Variants in PCSK5 observed in about 807,000 individuals in gnomAD.
PCSK5 encodes the protein prohormone convertase 5.
Under a neutral mutation model 233.2 loss-of-function variants are expected in PCSK5, and 129 were observed. That is an observed-to-expected ratio of 0.55 (90% CI 0.48 to 0.64). The LOEUF is 0.64. Among genes scored for constraint, PCSK5 ranks in the 30% least tolerant of loss-of-function variants. PCSK5 has a pLI of 0.00. For synonymous variants in PCSK5, 825 were observed against 879.2 expected (o/e 0.94, Z 1.09); for missense variants, 2,076 against 2,430.1 (o/e 0.85, Z 3.06).
At chr9:76,087,870 G>GTTCTT (rs1357843827) in intron 7 of PCSK5, among the ~76,000 whole-genome samples, 2 of 152,166 alleles carry the variant, frequency 1.3e-5, no homozygotes, top group Non-Finnish European at 2.9e-5. Flanking sequence ...AGGAGGGAGT[G>GTTCTT]AAGTCATGTC....
chr9:76,097,626 T>C (rs1831591626), intron 8 of PCSK5, among the ~76,000 whole-genome samples: 1 of 152,242 alleles, frequency 6.6e-6, no homozygotes, highest in African/African-American at 2.4e-5. Context: ...TTGAGATATT[T>C]GTAGTTGAGT....
At position 76,025,766 on chromosome 9, in the gene PCSK5, A is replaced by G. The variant is rs540448852; in HGVS notation, c.556-1195A>G. On this transcript the variant is annotated intron_variant, in intron 4 of 37. Transcript: ENST00000674117. The stretch of plus-strand genomic sequence containing the variant: ...TAGGAAATTTAACTGAAAAAGACAT[A>G]GGGCAGAAATTATGCCCATGTTTGA... Among the ~76,000 whole-genome samples, 28 of 152,252 alleles carry G rather than the reference A, an allele frequency of 1.8e-4. 1 individual carries two copies. Among genetic ancestry groups the G allele is most frequent in the Admixed American group, 1.5e-3 (23 of 15,274 alleles).
chr9:76,299,035 T>G (rs1828528870), intron 27 of PCSK5, among the ~76,000 whole-genome samples: 1 of 152,128 alleles, frequency 6.6e-6, no homozygotes, highest in African/African-American at 2.4e-5. Context: ...GAAAACACCC[T>G]TGAAATAAAA....
intron 32 of PCSK5, among the ~76,000 whole-genome samples, chr9:76,326,263 G>A (rs141914194): frequency 1.4e-3 from 220 of 152,214 alleles, no homozygotes; most frequent in African/African-American, 4.9e-3. Context: ...GTGTGTGCCT[G>A]TAGTCCCAGC....
At chr9:76,258,059 A>G (rs904064257) in intron 24 of PCSK5, among the ~76,000 whole-genome samples, 1 of 152,148 alleles carries the variant, frequency 6.6e-6, no homozygotes, top group Non-Finnish European at 1.5e-5. Flanking sequence ...GCTCCCAGGT[A>G]CAGGGAGGGC....
intron 32 of PCSK5, among the ~76,000 whole-genome samples, 194 bp downstream of exon 32, chr9:76,323,482 C>G (rs901629777): frequency 6.6e-6 from 1 of 152,134 alleles, no homozygotes; most frequent in Non-Finnish European, 1.5e-5. Context: ...CTCCTGGGCT[C>G]AAGTGATCCT....
intron 1 of PCSK5, among the ~76,000 whole-genome samples, chr9:75,921,493 G>A (rs62555871): frequency 0.11 from 16,592 of 152,108 alleles, 1,386 homozygotes; most frequent in African/African-American, 0.23. Flanking sequence ...AGATGATGGT[G>A]CAGAAAAGAG....
intron 16 of PCSK5, among the ~76,000 whole-genome samples, chr9:76,183,802 A>G (rs1456233390): frequency 2.0e-5 from 3 of 152,228 alleles, no homozygotes; most frequent in African/African-American, 7.2e-5. Context: ...ATGGAAGCCC[A>G]TGAAGAAAGC....
chr9:75,987,359 A>G (rs34811481), intron 3 of PCSK5, among the ~76,000 whole-genome samples: 112 of 152,142 alleles, frequency 7.4e-4, no homozygotes, highest in African/African-American at 2.6e-3. Context: ...GGCATCCATC[A>G]TGGCACTTTA....
intron 1 of PCSK5, among the ~76,000 whole-genome samples, chr9:75,910,082 A>G (rs1267349515): frequency 6.6e-6 from 1 of 152,230 alleles, no homozygotes; most frequent in Non-Finnish European, 1.5e-5. Context: ...TGAGCTAGAA[A>G]TAAACCTTTT....
intron 17 of PCSK5, among the ~76,000 whole-genome samples, chr9:76,187,466 A>G (rs1824160520): frequency 6.6e-6 from 1 of 152,108 alleles, no homozygotes; most frequent in African/African-American, 2.4e-5. Context: ...GGCTCAAGCA[A>G]TCCTCTGGCC....
chr9:76,180,524 T>C (rs1823816620), intron 15 of PCSK5, among the ~76,000 whole-genome samples: 1 of 152,120 alleles, frequency 6.6e-6, no homozygotes, highest in Admixed American at 6.5e-5. Flanking sequence ...CTGCTTGAGC[T>C]GTGCAGATAT....
chr9:75,934,745 C>T (rs1823974625), intron 2 of PCSK5, among the ~76,000 whole-genome samples: 1 of 151,956 alleles, frequency 6.6e-6, no homozygotes. Context: ...CTACCCCTGG[C>T]TAATTTTTGT....
At position 76,159,188 on chromosome 9, in the gene PCSK5, T is replaced by C. The variant is rs770267698; in HGVS notation, c.1619+17T>C. The C allele has an allele frequency of 1.9e-6, 3 of 1,611,672 alleles. No homozygotes were observed. The South Asian group carries it at 3.3e-5, about 18-fold the overall frequency. ...GGCCAACAGGTACAGCAGTGGTCTC[T>C]GCCCACCAGTGTAGTAGTCACAGCG... On this transcript the variant is annotated intron_variant, in intron 12 of 37. Coordinates refer to ENST00000674117, the MANE Select transcript of PCSK5 (RefSeq NM_001372043.1).
intron 30 of PCSK5, among the ~76,000 whole-genome samples, chr9:76,320,526 T>G (rs1390257017): frequency 1.7e-5 from 1 of 57,294 alleles, no homozygotes; most frequent in Non-Finnish European, 3.5e-5. Context: ...TGGAGTGCAG[T>G]GGAGTGGCAC....
chr9:75,908,978 T>TCTAA (rs1554704595), intron 1 of PCSK5, among the ~76,000 whole-genome samples: 65 of 150,444 alleles, frequency 4.3e-4, no homozygotes, highest in African/African-American at 1.6e-3. Flanking sequence ...TATCTATCTA[T>TCTAA]CTATCTATCT....
intron 2 of PCSK5, among the ~76,000 whole-genome samples, chr9:75,956,334 T>C (rs1436745533): frequency 6.6e-6 from 1 of 152,150 alleles, no homozygotes. Context: ...TTACCTTCAT[T>C]CTACAGATAA....
At chr9:76,140,027 A>G (rs1352628730) in intron 10 of PCSK5, among the ~76,000 whole-genome samples, 1 of 152,084 alleles carries the variant, frequency 6.6e-6, no homozygotes, top group Non-Finnish European at 1.5e-5. Flanking sequence ...AATATTTTCT[A>G]CAAATGAAAA....
chr9:76,324,556 G>A (rs918473249), intron 32 of PCSK5, among the ~76,000 whole-genome samples: 3 of 152,004 alleles, frequency 2.0e-5, no homozygotes, highest in African/African-American at 7.2e-5. Flanking sequence ...CTCCCTGGAA[G>A]CTCCCCACCT....
Sources: gnomAD v4.1 joint callset for allele counts (sites outside exome capture counted in the v4.1 genomes callset) on GRCh38, gnomAD v4.1.1 for gene constraint, MANE v1.5 for transcripts, NCBI Gene and HGNC (gene_info 2026-07-23, HGNC 2026-07-21) for gene names.